CSMD1: variants seen among roughly 807,000 people sequenced by gnomAD.
CSMD1 encodes the protein CUB and Sushi multiple domains 1.
Under a neutral mutation model 417.5 loss-of-function variants are expected in CSMD1, and 213 were observed. The observed-to-expected ratio is 0.51, with a 90% CI of 0.46 to 0.57. The LOEUF is 0.57. Ranked by LOEUF, CSMD1 falls within the 20% of genes least tolerant of loss-of-function variation. CSMD1 has a pLI of 0.00. For synonymous variants in CSMD1, 2,862 were observed against 1,736.8 expected (o/e 1.65, Z -16.11); for missense variants, 6,923 against 4,529.7 (o/e 1.53, Z -15.17).
intron 5 of CSMD1, among the ~76,000 whole-genome samples, chr8:3,889,942 G>A (rs756635248): frequency 2.6e-5 from 4 of 152,140 alleles, no homozygotes; most frequent in Non-Finnish European, 4.4e-5. Context: ...CAGACGGTTG[G>A]ATGGCTGAGG....
intron 12 of CSMD1, among the ~76,000 whole-genome samples, chr8:3,431,335 G>C (rs1814205400): frequency 6.6e-6 from 1 of 152,090 alleles, no homozygotes; most frequent in Admixed American, 6.6e-5. Flanking sequence ...CTACAGAAAG[G>C]CAGTAACTTG....
At chr8:3,825,757 T>C (rs1230971826) in intron 5 of CSMD1, among the ~76,000 whole-genome samples, 1 of 152,080 alleles carries the variant, frequency 6.6e-6, no homozygotes, top group South Asian at 2.1e-4. Context: ...TGGGGCCACA[T>C]GAACTGTGGA....
chr8:4,304,298 T>C (rs1286196934), intron 3 of CSMD1, among the ~76,000 whole-genome samples: 1 of 152,218 alleles, frequency 6.6e-6, no homozygotes, highest in Non-Finnish European at 1.5e-5. Flanking sequence ...ATGTTCAATA[T>C]AGAATATATA....
At chr8:4,560,802 T>C (rs1798295878) in intron 2 of CSMD1, among the ~76,000 whole-genome samples, 1 of 152,240 alleles carries the variant, frequency 6.6e-6, no homozygotes, top group Non-Finnish European at 1.5e-5. Flanking sequence ...GACTTCCTAA[T>C]GATTCTGCCT....
At chr8:4,730,982 G>C (rs1234920775) in intron 1 of CSMD1, among the ~76,000 whole-genome samples, 1 of 152,078 alleles carries the variant, frequency 6.6e-6, no homozygotes, top group Non-Finnish European at 1.5e-5. Context: ...ATTTAGGAAG[G>C]CTTGGGAGTT....
intron 3 of CSMD1, among the ~76,000 whole-genome samples, chr8:4,227,390 C>T (rs962216420): frequency 2.6e-5 from 4 of 152,092 alleles, no homozygotes; most frequent in Non-Finnish European, 4.4e-5. Context: ...ATTCTATCCA[C>T]TTATAAGAAC....
At chr8:3,771,595 G>C (rs1448886713) in intron 5 of CSMD1, among the ~76,000 whole-genome samples, 2 of 152,096 alleles carry the variant, frequency 1.3e-5, no homozygotes, top group African/African-American at 4.8e-5. Flanking sequence ...CAGGGGCAGG[G>C]AGTCAGGCAG....
intron 2 of CSMD1, among the ~76,000 whole-genome samples, chr8:4,577,274 G>C (rs1799183356): frequency 6.6e-6 from 1 of 152,050 alleles, no homozygotes; most frequent in Non-Finnish European, 1.5e-5. Context: ...TCCTCAGATG[G>C]GCTGACTTCA....
chr8:3,839,512 A>ATATTATTATATATATTGTTT (rs1802973194), intron 5 of CSMD1, among the ~76,000 whole-genome samples: 1 of 66,688 alleles, frequency 1.5e-5, no homozygotes, highest in African/African-American at 4.4e-5. Context: ...ATATATTTAT[A>ATATTATTATATATATTGTTT]TAGAATATAA....
At chr8:4,380,124 A>C (rs947328306) in intron 3 of CSMD1, among the ~76,000 whole-genome samples, 26 of 152,206 alleles carry the variant, frequency 1.7e-4, no homozygotes, top group Non-Finnish European at 3.4e-4. Flanking sequence ...CCTTGTGTTG[A>C]ATTCTAAATA....
At chr8:4,814,290 G>A (rs962205445) in intron 1 of CSMD1, among the ~76,000 whole-genome samples, 1 of 152,134 alleles carries the variant, frequency 6.6e-6, no homozygotes, top group South Asian at 2.1e-4. Flanking sequence ...TTAATGGCCA[G>A]GCTGGAGCGC....
chr8:3,000,266 T>C (rs759777106), intron 52 of CSMD1, 135 bp from the exon 53 acceptor site: 15 of 428,318 alleles, frequency 3.5e-5, no homozygotes, highest in Admixed American at 1.8e-4. Context: ...TACATATATA[T>C]GTATACTTTT....
chr8:3,853,793 A>C (rs963197797), intron 5 of CSMD1, among the ~76,000 whole-genome samples: 1 of 151,408 alleles, frequency 6.6e-6, no homozygotes, highest in Non-Finnish European at 1.5e-5. Flanking sequence ...TGGGTGCAGC[A>C]CACCAACATG....
At chr8:3,639,866 T>C (rs1466777006) in intron 7 of CSMD1, among the ~76,000 whole-genome samples, 1 of 152,196 alleles carries the variant, frequency 6.6e-6, no homozygotes, top group Non-Finnish European at 1.5e-5. Flanking sequence ...GCTGGAAAAA[T>C]ATGTGATATG....
chr8:4,928,101 T>C (rs1806993282), intron 1 of CSMD1, among the ~76,000 whole-genome samples: 1 of 152,104 alleles, frequency 6.6e-6, no homozygotes, highest in Non-Finnish European at 1.5e-5. Context: ...TTAGCCCTCA[T>C]CCTCAGCCCA....
intron 3 of CSMD1, among the ~76,000 whole-genome samples, chr8:4,106,105 C>T (rs1460312186): frequency 6.6e-6 from 1 of 152,154 alleles, no homozygotes; most frequent in Admixed American, 6.5e-5. Flanking sequence ...CAGGACAACC[C>T]TTGTGGGTGG....
intron 11 of CSMD1, among the ~76,000 whole-genome samples, chr8:3,486,687 T>A (rs1818053580): frequency 6.6e-6 from 1 of 152,214 alleles, no homozygotes; most frequent in Non-Finnish European, 1.5e-5. Context: ...GGGCTCCGAT[T>A]CCTGTGGGAC....
intron 1 of CSMD1, among the ~76,000 whole-genome samples, chr8:4,864,581 TC>T (rs1802315995): frequency 6.6e-6 from 1 of 151,758 alleles, no homozygotes; most frequent in Non-Finnish European, 1.5e-5. Flanking sequence ...TTCATAATGA[TC>T]TTTATTTTAT....
At chr8:3,088,946 G>A (rs575846488) in intron 48 of CSMD1, among the ~76,000 whole-genome samples, 3 of 152,020 alleles carry the variant, frequency 2.0e-5, no homozygotes, top group South Asian at 2.1e-4. Context: ...TGCAGGAAGT[G>A]AGACCATGAG....
Sources: gnomAD v4.1 joint callset for allele counts (sites outside exome capture counted in the v4.1 genomes callset) on GRCh38, gnomAD v4.1.1 for gene constraint, MANE v1.5 for transcripts, NCBI Gene and HGNC (gene_info 2026-07-23, HGNC 2026-07-21) for gene names.